NKAIN2: variants seen among roughly 807,000 people sequenced by gnomAD.
The protein encoded by NKAIN2 is sodium/potassium transporting ATPase interacting 2.
A neutral mutation model predicts 32.6 loss-of-function variants in NKAIN2; 14 were observed. The observed-to-expected ratio is 0.43, with a 90% CI of 0.28 to 0.67. The LOEUF (loss-of-function observed/expected upper bound fraction) is 0.67. NKAIN2 is among the 30% of genes least tolerant of loss of function. The pLI is 0.17. For missense variants in NKAIN2, 198 were observed against 258.3 expected, an observed-to-expected ratio of 0.77 and a Z score of 1.60; for synonymous variants, 80 against 87.2, an observed-to-expected ratio of 0.92 and a Z score of 0.46.
chr6:124,755,980 A>C (rs536240692), intron 4 of NKAIN2, among the ~76,000 whole-genome samples: 41 of 152,228 alleles, frequency 2.7e-4, no homozygotes, highest in African/African-American at 7.9e-4. Context: ...CTACATTTTC[A>C]TGCCTAGTAC....
intron 3 of NKAIN2, among the ~76,000 whole-genome samples, chr6:124,383,085 A>G (rs1395759042): frequency 6.6e-6 from 1 of 152,188 alleles, no homozygotes; most frequent in Non-Finnish European, 1.5e-5. Flanking sequence ...TGTTCCTCCA[A>G]TAGTGTCACC....
chr6:124,542,307 T>G (rs1779941185), intron 3 of NKAIN2, among the ~76,000 whole-genome samples: 1 of 152,138 alleles, frequency 6.6e-6, no homozygotes, highest in South Asian at 2.1e-4. Context: ...GAAGAGAAAG[T>G]CTGGTGATGG....
intron 2 of NKAIN2, among the ~76,000 whole-genome samples, chr6:124,293,398 A>G (rs1003032220): frequency 6.6e-6 from 1 of 151,992 alleles, no homozygotes; most frequent in Admixed American, 6.6e-5. Context: ...ATTAATTTAT[A>G]GCTTTTTACT....
At position 123,890,244 on chromosome 6, in the gene NKAIN2, C is replaced by T. The variant is rs148878517; in HGVS notation, c.54+85990C>T. On this transcript the variant is annotated intron_variant, in intron 1 of 6. Coordinates refer to ENST00000368417, the MANE Select transcript of NKAIN2 (RefSeq NM_001040214.3). ...TGATTTTCCCCCCTTTCTTCCCTGTCATCTTTGGAGTTTCAGTCTTGTCCT... is the reference window on the plus strand; with the variant it reads ...TGATTTTCCCCCCTTTCTTCCCTGTTATCTTTGGAGTTTCAGTCTTGTCCT... Among the ~76,000 whole-genome samples, 740 of 151,856 alleles carry T rather than the reference C, an allele frequency of 4.9e-3. 5 individuals are homozygous for T. Among genetic ancestry groups the T allele is most frequent in the African/African-American group, 0.017 (704 of 41,444 alleles).
intron 4 of NKAIN2, among the ~76,000 whole-genome samples, chr6:124,736,829 ATGT>A (rs1776968945): frequency 6.6e-6 from 1 of 151,954 alleles, no homozygotes; most frequent in African/African-American, 2.4e-5. Flanking sequence ...ATGGAAATTA[ATGT>A]TGTTTTTATG....
chr6:123,957,249 C>T (rs1483761437), intron 1 of NKAIN2, among the ~76,000 whole-genome samples: 3 of 152,152 alleles, frequency 2.0e-5, no homozygotes, highest in Non-Finnish European at 2.9e-5. Flanking sequence ...TTAGTTAAAA[C>T]ACCTCACTGA....
intron 3 of NKAIN2, among the ~76,000 whole-genome samples, chr6:124,517,803 T>C (rs1462470695): frequency 6.6e-6 from 1 of 152,172 alleles, no homozygotes; most frequent in African/African-American, 2.4e-5. Context: ...AATGTTAAAT[T>C]CAGATGGTTT....
chr6:124,648,459 T>C (rs995415839), intron 3 of NKAIN2, among the ~76,000 whole-genome samples: 1 of 152,158 alleles, frequency 6.6e-6, no homozygotes, highest in African/African-American at 2.4e-5. Flanking sequence ...TAGAGGCCCA[T>C]ATTGAGGAAG....
intron 3 of NKAIN2, among the ~76,000 whole-genome samples, chr6:124,575,695 G>GT (rs1781305205): frequency 1.3e-5 from 2 of 152,124 alleles, no homozygotes; most frequent in African/African-American, 2.4e-5. Flanking sequence ...TCTAAGGAAG[G>GT]TTTTTTCCTT....
chr6:124,617,392 A>G (rs534433996), intron 3 of NKAIN2, among the ~76,000 whole-genome samples: 1 of 152,336 alleles, frequency 6.6e-6, no homozygotes, highest in South Asian at 2.1e-4. Flanking sequence ...CTTGCCCATG[A>G]CAATGGCCTT....
intron 2 of NKAIN2, among the ~76,000 whole-genome samples, chr6:124,298,765 G>A (rs909482431): frequency 6.6e-6 from 1 of 152,088 alleles, no homozygotes; most frequent in Non-Finnish European, 1.5e-5. Flanking sequence ...AAGACCCCCC[G>A]TGTCTATTAT....
chr6:124,602,458 A>C (rs776356248), intron 3 of NKAIN2, among the ~76,000 whole-genome samples: 2 of 151,948 alleles, frequency 1.3e-5, no homozygotes, highest in Non-Finnish European at 2.9e-5. Context: ...ATCTGTTATA[A>C]ATCATGTTTG....
chr6:123,813,841 A>G (rs974866206), intron 1 of NKAIN2, among the ~76,000 whole-genome samples: 2 of 151,018 alleles, frequency 1.3e-5, no homozygotes, highest in Non-Finnish European at 2.9e-5. Flanking sequence ...GGTGGTATAT[A>G]AAGAGCTCTG....
intron 2 of NKAIN2, among the ~76,000 whole-genome samples, chr6:124,341,778 A>G (rs1316859907): frequency 1.3e-5 from 2 of 152,158 alleles, no homozygotes; most frequent in East Asian, 1.9e-4. Flanking sequence ...GTGTGTTTTT[A>G]TGTAGGTGTT....
At chr6:124,267,762 C>A (rs774745929) in intron 1 of NKAIN2, among the ~76,000 whole-genome samples, 2 of 152,076 alleles carry the variant, frequency 1.3e-5, no homozygotes, top group South Asian at 4.1e-4. Context: ...TTATAAAATA[C>A]TCTTGATATA....
At chr6:124,082,158 A>G (rs529883792) in intron 1 of NKAIN2, among the ~76,000 whole-genome samples, 1 of 152,086 alleles carries the variant, frequency 6.6e-6, no homozygotes, top group South Asian at 2.1e-4. Flanking sequence ...CAGGAAGGGA[A>G]GGGAGACCTG....
chr6:124,482,230 C>T (rs1777482239), intron 3 of NKAIN2, among the ~76,000 whole-genome samples: 1 of 152,162 alleles, frequency 6.6e-6, no homozygotes, highest in African/African-American at 2.4e-5. Context: ...GCTACTCTAA[C>T]ATTCTTTGTG....
At chr6:124,636,928 AC>A (rs1419370213) in intron 3 of NKAIN2, among the ~76,000 whole-genome samples, 4 of 152,108 alleles carry the variant, frequency 2.6e-5, no homozygotes, top group African/African-American at 9.6e-5. Flanking sequence ...AGAAAATGAC[AC>A]AAAAATATGT....
chr6:123,954,759 G>T (rs372257543), intron 1 of NKAIN2, among the ~76,000 whole-genome samples: 3 of 152,080 alleles, frequency 2.0e-5, no homozygotes, highest in African/African-American at 7.2e-5. Flanking sequence ...CCTTTCTCTG[G>T]CTTGTTTATT....
Sources: gnomAD v4.1 joint callset for allele counts (sites outside exome capture counted in the v4.1 genomes callset) on GRCh38, gnomAD v4.1.1 for gene constraint, MANE v1.5 for transcripts, NCBI Gene and HGNC (gene_info 2026-07-23, HGNC 2026-07-21) for gene names.